The following ZC3H3 variants were observed in gnomAD, a reference collection of about 807,000 sequenced individuals.
ZC3H3 encodes zinc finger CCCH domain-containing protein 3.
ZC3H3 carries 36 observed loss-of-function variants against 77.3 expected under a neutral mutation model. The ratio of observed to expected loss-of-function variants is 0.47; its 90% CI spans 0.36 to 0.61. The LOEUF is 0.61. Among genes scored for constraint, ZC3H3 ranks in the 20% least tolerant of loss-of-function variants. The pLI, the probability that ZC3H3 is intolerant of heterozygous loss-of-function variation, is 0.00. For synonymous variants in ZC3H3, 626 were observed against 555.2 expected, an observed-to-expected ratio of 1.13 and a Z score of -1.79; for missense variants, 1,331 against 1,312.2, an observed-to-expected ratio of 1.01 and a Z score of -0.22.
chr8:143,531,944 T>C (rs988677673), intron 3 of ZC3H3, among the ~76,000 whole-genome samples: 5 of 152,260 alleles, frequency 3.3e-5, no homozygotes, highest in Non-Finnish European at 7.3e-5. Context: ...GCCATCACAA[T>C]GAATAAAGCT....
At position 143,530,368 on chromosome 8, in the gene ZC3H3, G is replaced by A. The variant is rs1045388092; in HGVS notation, c.1561+5889C>T. Among the ~76,000 whole-genome samples the A allele has an allele frequency of 6.6e-5, 10 of 152,200 alleles. No individual in the cohort carries two copies. The highest frequency in any genetic ancestry group is 2.4e-4 in the African/African-American group (10 of 41,450). The stretch of plus-strand genomic sequence containing the variant: ...GCATCCACCATCCTGGGTGGGTGAA[G>A]CAGAGAGGGCCCTCCCACTCCAGCA... On this transcript the variant is annotated intron_variant, in intron 3 of 11. Transcript: ENST00000262577. This position sits in a 1 kb window ranked among gnomAD's most constrained non-coding sequence, Gnocchi z 4.3.
intron 9 of ZC3H3, among the ~76,000 whole-genome samples, chr8:143,465,298 C>A (rs1451435825): frequency 6.6e-6 from 1 of 150,734 alleles, no homozygotes; most frequent in African/African-American, 2.5e-5. Context: ...GTCCCGTCCA[C>A]CCCCTGCCTT....
intron 4 of ZC3H3, among the ~76,000 whole-genome samples, chr8:143,481,953 C>T (rs1470783923): frequency 6.6e-6 from 1 of 152,262 alleles, no homozygotes; most frequent in Non-Finnish European, 1.5e-5. Context: ...CCAGCTGGGT[C>T]TCCGCCCTGG....
chr8:143,474,440 T>C (rs1234183997), intron 5 of ZC3H3, among the ~76,000 whole-genome samples: 1 of 152,196 alleles, frequency 6.6e-6, no homozygotes, highest in Non-Finnish European at 1.5e-5. Context: ...GTGGGGCAGG[T>C]GCCAGGGCCC....
rs755874116 is a variant in ZC3H3 at position 143,538,049 on chromosome 8, T to G, written c.1318A>C (p.Lys440Gln). The G allele has an allele frequency of 1.9e-6, 3 of 1,612,290 alleles. No individual in the cohort carries two copies. Among genetic ancestry groups the G allele is most frequent in the Non-Finnish European group, 2.5e-6 (3 of 1,179,628 alleles). ...ATGATCTTGGTGCGGCTCTTCACTTTGTAAGCCGAGAGCGGGGTCTCCCCA... is the reference window on the plus strand; with the variant it reads ...ATGATCTTGGTGCGGCTCTTCACTTGGTAAGCCGAGAGCGGGGTCTCCCCA... ...LSGETPLSAYKVKSRTKIIRR... is the reference protein window; with the variant it reads ...LSGETPLSAYQVKSRTKIIRR... The change falls in exon 2 of 12, where the codon AAA becomes CAA. Residue 440 changes from lysine (K) to glutamine (Q), a missense_variant. Physicochemically the swap from Lys to Gln is moderately conservative, Grantham distance 53 (BLOSUM62 1). Around this residue, in one of 3 missense-constraint regions of ZC3H3, gnomAD observed 978 missense variants for 915.5 expected, o/e 1.07. Transcript: ENST00000262577.
intron 3 of ZC3H3, among the ~76,000 whole-genome samples, chr8:143,522,716 G>A (rs772454887): frequency 1.9e-4 from 29 of 152,246 alleles, no homozygotes; most frequent in African/African-American, 6.7e-4. Context: ...CCCAGGAATC[G>A]GAGACCAGCT....
At chr8:143,537,563 C>A (rs905469001) in intron 2 of ZC3H3, among the ~76,000 whole-genome samples, 2 of 152,258 alleles carry the variant, frequency 1.3e-5, no homozygotes, top group Non-Finnish European at 2.9e-5. Context: ...CCAGCACAGA[C>A]CCGTGGCCGG....
rs77686573 is a variant in ZC3H3, at chr8:143,437,734, G to A, written c.*322C>T. On this transcript the variant is annotated 3_prime_UTR_variant, in exon 12 of 12. Coordinates refer to ENST00000262577, the MANE Select transcript of ZC3H3 (RefSeq NM_015117.3). The stretch of plus-strand genomic sequence containing the variant: ...TGGCCAGTGGCCTCTTCACTGGGCC[G>A]AAAACCTGGGTGGGGAGGGCTGGGG... 0.011 allele frequency: 4,926 copies of A among 431,562 alleles called. 169 individuals are homozygous for A. Among genetic ancestry groups the A allele is most frequent in the African/African-American group, 0.079 (3,988 of 50,480 alleles). 26.7% of individuals were successfully genotyped at this position (431,562 alleles called of 1,614,324 possible). A position where few individuals can be genotyped will look rare whatever the true frequency, so the allele number is the denominator to read the frequency against.
chr8:143,525,813 G>T (rs1293571072), intron 3 of ZC3H3, among the ~76,000 whole-genome samples: 1 of 152,274 alleles, frequency 6.6e-6, no homozygotes, highest in African/African-American at 2.4e-5. Flanking sequence ...GACAGGATGG[G>T]ACAGGAGGAC....
At chr8:143,522,600 C>G (rs939640192) in intron 3 of ZC3H3, among the ~76,000 whole-genome samples, 5 of 144,732 alleles carry the variant, frequency 3.5e-5, no homozygotes, top group African/African-American at 1.3e-4. Context: ...GCAAGACTCT[C>G]TGTCTTAAAA....
chr8:143,445,268 C>T (rs935028319), intron 9 of ZC3H3, among the ~76,000 whole-genome samples: 3 of 151,906 alleles, frequency 2.0e-5, no homozygotes, highest in African/African-American at 7.3e-5. Flanking sequence ...GTAATCCCAG[C>T]TACTCAGGAG....
At chr8:143,540,216 GC>G (rs76491647) in intron 1 of ZC3H3, among the ~76,000 whole-genome samples, 22,114 of 140,008 alleles carry the variant, frequency 0.16, 1,714 homozygotes, top group Admixed American at 0.23. Flanking sequence ...AATTTTTAAA[GC>G]TTTTTTTTGT....
intron 5 of ZC3H3, among the ~76,000 whole-genome samples, chr8:143,474,429 T>G (rs1345876325): frequency 6.6e-6 from 1 of 152,214 alleles, no homozygotes; most frequent in Non-Finnish European, 1.5e-5. Context: ...CTCAGAGCCC[T>G]GTGGGGCAGG....
intron 3 of ZC3H3, among the ~76,000 whole-genome samples, chr8:143,528,861 G>C (rs566471444): frequency 2.6e-5 from 4 of 152,354 alleles, no homozygotes; most frequent in Non-Finnish European, 5.9e-5. Flanking sequence ...CCCTCACCAG[G>C]AGCTGCCGCA....
At chr8:143,509,218 C>A (rs1238004548) in intron 3 of ZC3H3, among the ~76,000 whole-genome samples, 2 of 152,200 alleles carry the variant, frequency 1.3e-5, no homozygotes, top group African/African-American at 4.8e-5. Context: ...AGAGAGTCTG[C>A]CGATTGTATT....
chr8:143,495,425 C>T (rs1399029383), intron 4 of ZC3H3, among the ~76,000 whole-genome samples: 1 of 152,128 alleles, frequency 6.6e-6, no homozygotes, highest in African/African-American at 2.4e-5. Context: ...CTCAGAGCCA[C>T]AGGATGCTCC....
intron 3 of ZC3H3, among the ~76,000 whole-genome samples, chr8:143,525,408 G>C (rs112929509): frequency 6.6e-6 from 1 of 152,360 alleles, no homozygotes; most frequent in African/African-American, 2.4e-5. Flanking sequence ...TAGAAGCCCT[G>C]AAGAGGGACA....
intron 5 of ZC3H3, among the ~76,000 whole-genome samples, chr8:143,473,404 C>T: frequency 6.6e-6 from 1 of 152,186 alleles, no homozygotes; most frequent in East Asian, 1.9e-4. Context: ...CCTGTGGGCC[C>T]CAGGAATCTT....
In ZC3H3 at chr8:143,439,546, G is replaced by A. The variant is rs189016265; in HGVS notation, c.2815+495C>T. Among the ~76,000 whole-genome samples the A allele has an allele frequency of 6.0e-3, 907 of 152,254 alleles. 10 individuals are homozygous for A. Among genetic ancestry groups the A allele is most frequent in the African/African-American group, 0.017 (705 of 41,556 alleles). On this transcript the variant is annotated intron_variant, in intron 11 of 11. Transcript: ENST00000262577. ...ATTTACCAAGCCCCAAATGCTCATCGGGGGAGAGGGAACATCTGTTCTCTC... is the reference window on the plus strand; with the variant it reads ...ATTTACCAAGCCCCAAATGCTCATCAGGGGAGAGGGAACATCTGTTCTCTC...
Sources: allele counts gnomAD v4.1 joint callset (sites outside exome capture counted in the v4.1 genomes callset), GRCh38; gene constraint gnomAD v4.1.1; regional missense constraint gnomAD v4.1.1; non-coding constraint Gnocchi (gnomAD v3.1); transcripts MANE v1.5; gene names NCBI Gene and HGNC (gene_info 2026-07-23, HGNC 2026-07-21).